LRMDA: variants seen among roughly 807,000 people sequenced by gnomAD.
LRMDA encodes leucine-rich melanocyte differentiation-associated protein.
LRMDA carries 18 observed loss-of-function variants against 29.8 expected under a neutral mutation model. The ratio of observed to expected loss-of-function variants is 0.60; its 90% confidence interval spans 0.42 to 0.90. LRMDA has a LOEUF of 0.90. Among genes scored for constraint, LRMDA ranks in the 40% least tolerant of loss-of-function variants. The pLI is 0.00. For synonymous variants in LRMDA, 125 were observed against 109.4 expected, an observed-to-expected ratio of 1.14 and a Z score of -0.89; for missense variants, 273 against 273.9, an observed-to-expected ratio of 1.00 and a Z score of 0.02.
At chr10:76,077,992 A>ATTTTTTTTTTT (rs756023731) in intron 5 of LRMDA, among the ~76,000 whole-genome samples, 3 of 48,048 alleles carry the variant, frequency 6.2e-5, no homozygotes, top group African/African-American at 1.8e-4. Context: ...CAATATTAAC[A>ATTTTTTTTTTT]TTTTTTTTTT....
intron 2 of LRMDA, among the ~76,000 whole-genome samples, chr10:75,898,548 G>A (rs1845620975): frequency 6.6e-6 from 1 of 152,156 alleles, no homozygotes; most frequent in Non-Finnish European, 1.5e-5. Flanking sequence ...CGGGAAAGCA[G>A]GGAGAGGAGA....
intron 2 of LRMDA, among the ~76,000 whole-genome samples, chr10:75,885,610 C>T (rs1309721195): frequency 1.3e-5 from 2 of 152,186 alleles, no homozygotes; most frequent in Non-Finnish European, 2.9e-5. Flanking sequence ...TGAAAGATCA[C>T]GTAGAGGAGT....
chr10:76,083,222 A>G (rs1260858205), intron 5 of LRMDA, among the ~76,000 whole-genome samples: 1 of 151,998 alleles, frequency 6.6e-6, no homozygotes, highest in Non-Finnish European at 1.5e-5. Flanking sequence ...GCTGTGAACC[A>G]CTTCCTCTCT....
chr10:75,557,691 C>T lies in LRMDA; in HGVS notation c.131+119197C>T, dbSNP rs374261220. On this transcript the variant is annotated intron_variant, in intron 2 of 6. Transcript: ENST00000611255. Reference sequence around the variant, plus strand: ...GAATCAGCTAGAGCTGGGATTGAGGCGAGTGGCCAGATGCCTACATGTCTT... The same window carrying T: ...GAATCAGCTAGAGCTGGGATTGAGGTGAGTGGCCAGATGCCTACATGTCTT... Among the ~76,000 whole-genome samples the T allele has an allele frequency of 3.6e-4, 55 of 152,264 alleles. 1 individual carries two copies. In the East Asian group the frequency reaches 7.3e-3, roughly 20 times the overall value.
At chr10:75,740,794 T>C (rs540851241) in intron 2 of LRMDA, among the ~76,000 whole-genome samples, 5 of 152,316 alleles carry the variant, frequency 3.3e-5, no homozygotes, top group African/African-American at 1.2e-4. Flanking sequence ...CAATTTCTAA[T>C]AATTCATAAA....
At chr10:76,133,254 A>G (rs569047807) in intron 5 of LRMDA, among the ~76,000 whole-genome samples, 1 of 139,942 alleles carries the variant, frequency 7.1e-6, no homozygotes, top group South Asian at 2.4e-4. Flanking sequence ...ATGAGGCTGG[A>G]TTATATTTAT....
At chr10:75,632,009 C>A (rs1044199501) in intron 2 of LRMDA, among the ~76,000 whole-genome samples, 1 of 152,068 alleles carries the variant, frequency 6.6e-6, no homozygotes, top group African/African-American at 2.4e-5. Context: ...TGTATGGATC[C>A]TTTCCCTATT....
intron 5 of LRMDA, among the ~76,000 whole-genome samples, chr10:76,138,154 A>C (rs1013941500): frequency 1.3e-5 from 2 of 152,176 alleles, no homozygotes; most frequent in Non-Finnish European, 2.9e-5. Flanking sequence ...AAGGGCTGCA[A>C]TTTACAGACC....
intron 6 of LRMDA, among the ~76,000 whole-genome samples, chr10:76,541,856 G>A (rs920001065): frequency 6.6e-6 from 1 of 152,060 alleles, no homozygotes; most frequent in Non-Finnish European, 1.5e-5. Context: ...CTGTCCTTAC[G>A]CCGCAAAAGG....
At chr10:75,479,174 GC>G (rs1211961525) in intron 2 of LRMDA, among the ~76,000 whole-genome samples, 2 of 152,124 alleles carry the variant, frequency 1.3e-5, no homozygotes, top group African/African-American at 2.4e-5. Context: ...GTGAGGTGAC[GC>G]TTAGGGAAAG....
intron 2 of LRMDA, among the ~76,000 whole-genome samples, chr10:75,645,174 A>T (rs1015366535): frequency 2.0e-5 from 3 of 152,034 alleles, no homozygotes; most frequent in Non-Finnish European, 4.4e-5. Context: ...GTGGAGAAGG[A>T]GTTTTGCCAT....
chr10:75,775,535 G>C (rs980541408), intron 2 of LRMDA, among the ~76,000 whole-genome samples: 2 of 152,236 alleles, frequency 1.3e-5, no homozygotes, highest in African/African-American at 4.8e-5. Flanking sequence ...TCAACATAAT[G>C]GGTCATGATG....
chr10:75,988,690 A>T (rs1257776456), intron 2 of LRMDA, among the ~76,000 whole-genome samples: 1 of 151,996 alleles, frequency 6.6e-6, no homozygotes. Flanking sequence ...GTTAGATGAG[A>T]CCCTGTTACT....
In LRMDA at chr10:76,494,341, T is replaced by TA. The variant is rs1183958415; in HGVS notation, c.602-62865dup. 8.7e-5 allele frequency among the ~76,000 whole-genome samples: 13 copies of TA among 149,478 alleles called. 1 individual carries two copies. The East Asian group carries it at 2.1e-3, about 25-fold the overall frequency. On this transcript the variant is annotated intron_variant, in intron 6 of 6. Transcript: ENST00000611255. ...GGCTACATAGCTTTTTTTTTTTTTT[T>TA]AAATGACTGTTAATGTTTTGTAATT...
At chr10:75,534,907 G>A (rs1839928971) in intron 2 of LRMDA, among the ~76,000 whole-genome samples, 1 of 152,028 alleles carries the variant, frequency 6.6e-6, no homozygotes, top group Admixed American at 6.6e-5. Context: ...GCTAGTATGA[G>A]CTTAAACTAT....
At chr10:75,592,849 CTAGTTT>C (rs1840740819) in intron 2 of LRMDA, among the ~76,000 whole-genome samples, 1 of 152,164 alleles carries the variant, frequency 6.6e-6, no homozygotes. Flanking sequence ...TCACAGATGC[CTAGTTT>C]TAAAGTCTAC....
At chr10:76,241,237 C>A (rs1344699968) in intron 5 of LRMDA, among the ~76,000 whole-genome samples, 1 of 152,050 alleles carries the variant, frequency 6.6e-6, no homozygotes, top group East Asian at 1.9e-4. Flanking sequence ...CCAAACACCA[C>A]CTGTTCCCCC....
intron 5 of LRMDA, among the ~76,000 whole-genome samples, chr10:76,151,033 T>G (rs11001639): frequency 6.6e-6 from 1 of 151,992 alleles, no homozygotes; most frequent in African/African-American, 2.4e-5. Flanking sequence ...CCAAGCGCCC[T>G]GTATGCACCT....
At chr10:75,586,296 A>C (rs1460231921) in intron 2 of LRMDA, among the ~76,000 whole-genome samples, 1 of 149,232 alleles carries the variant, frequency 6.7e-6, no homozygotes, top group African/African-American at 2.5e-5. Context: ...TTGCATGCCC[A>C]CTAACACTGT....
Sources: allele counts gnomAD v4.1 joint callset (sites outside exome capture counted in the v4.1 genomes callset), GRCh38; gene constraint gnomAD v4.1.1; transcripts MANE v1.5; gene names NCBI Gene and HGNC (gene_info 2026-07-23, HGNC 2026-07-21).